ANKRD46: variants seen among roughly 807,000 people sequenced by gnomAD.
ANKRD46 encodes the protein ankyrin repeat domain 46.
Under a neutral mutation model 19.8 loss-of-function variants are expected in ANKRD46, and 13 were observed. The ratio of observed to expected loss-of-function variants is 0.66; its 90% CI spans 0.43 to 1.04. ANKRD46 has a LOEUF of 1.04. Among genes scored for constraint, ANKRD46 ranks in the 50% least tolerant of loss-of-function variants. ANKRD46 has a pLI of 0.00. For missense variants in ANKRD46, 185 were observed against 274.8 expected (o/e 0.67, Z 2.31); for synonymous variants, 91 against 106.9 (o/e 0.85, Z 0.92).
chr8:100,546,066 G>A lies in ANKRD46; in HGVS notation c.-130-12755C>T, dbSNP rs561132162. Among the ~76,000 whole-genome samples the A allele has an allele frequency of 5.3e-5, 8 of 152,350 alleles. No homozygotes were observed. The highest frequency in any genetic ancestry group is 1.4e-4 in the African/African-American group (6 of 41,578). ...GCAATTGGAACTTCTGTTTAAAAGCGAAGCAGAGCATAAAAGTTTGGAAAT... is the reference window on the plus strand; with the variant it reads ...GCAATTGGAACTTCTGTTTAAAAGCAAAGCAGAGCATAAAAGTTTGGAAAT... On this transcript the variant is annotated intron_variant, in intron 1 of 4. Transcript: ENST00000335659. The surrounding 1 kb of genome is among the most constrained non-coding windows in gnomAD (Gnocchi z 4.0).
chr8:100,557,258 T>A lies in ANKRD46; in HGVS notation c.-131+2453A>T, dbSNP rs1350176517. ...CTACCTTCACACTCAGTCTTCTCCATCTCAGTACACTGTTTAACTAAAGCC... is the reference window on the plus strand; with the variant it reads ...CTACCTTCACACTCAGTCTTCTCCAACTCAGTACACTGTTTAACTAAAGCC... On this transcript the variant is annotated intron_variant, in intron 1 of 4. Transcript: ENST00000335659. The surrounding 1 kb of genome is among the most constrained non-coding windows in gnomAD (Gnocchi z 5.9). 6.6e-6 allele frequency among the ~76,000 whole-genome samples: 1 copy of A among 152,224 alleles called. No homozygotes were observed. Among genetic ancestry groups the A allele is most frequent in the African/African-American group, 2.4e-5 (1 of 41,460 alleles).
Position 100,532,566 on chromosome 8 carries a change from G to T in ANKRD46, c.-28+643C>A, listed in dbSNP as rs531789247. 1.3e-5 allele frequency: 2 copies of T among 152,154 alleles called. No homozygotes were observed. The highest frequency in any genetic ancestry group is 2.9e-5 in the Non-Finnish European group (2 of 68,030). The allele number at this position is 152,154 out of a possible 1,614,324, so 9.4% of individuals were successfully genotyped here. On this transcript the variant is annotated intron_variant, in intron 2 of 4. Transcript: ENST00000335659. This position sits in a 1 kb window ranked among gnomAD's most constrained non-coding sequence, Gnocchi z 4.7. ...AATAGTCAAGAATTCTTTTGCGAGGGTAATCTAAATATTTTCCCTTACAGC... is the reference window on the plus strand; with the variant it reads ...AATAGTCAAGAATTCTTTTGCGAGGTTAATCTAAATATTTTCCCTTACAGC...
At chr8:100,541,844 T>C (rs78217154) in intron 1 of ANKRD46, among the ~76,000 whole-genome samples, 1,950 of 152,300 alleles carry the variant, frequency 0.013, 22 homozygotes, top group South Asian at 0.021. Context: ...CTTTTCTATG[T>C]TTAGATACAC....
At chr8:100,551,568 T>C (rs1812391047) in intron 1 of ANKRD46, 2 of 753,776 alleles carry the variant, frequency 2.7e-6, no homozygotes, top group Non-Finnish European at 4.6e-6. Context: ...TGGGTAGAAA[T>C]ACTGGAACAT....
At chr8:100,551,181 A>AG (rs1404925653) in intron 1 of ANKRD46, 6 of 440,792 alleles carry the variant, frequency 1.4e-5, no homozygotes, top group Non-Finnish European at 2.1e-5. Context: ...GAGTGGCAGC[A>AG]TGGATTGTGG....
chr8:100,537,559 C>G lies in ANKRD46; in HGVS notation c.-130-4248G>C, dbSNP rs1812088745. On this transcript the variant is annotated intron_variant, in intron 1 of 4. Transcript: ENST00000335659. This position sits in a 1 kb window ranked among gnomAD's most constrained non-coding sequence, Gnocchi z 4.2. Reference sequence around the variant, plus strand: ...GGATACAGCTGTTTCAAAATATAATCTCAGAGAACTATAAAACAAAAATTT... The same window carrying G: ...GGATACAGCTGTTTCAAAATATAATGTCAGAGAACTATAAAACAAAAATTT... Among the ~76,000 whole-genome samples the G allele has an allele frequency of 6.6e-6, 1 of 152,160 alleles. No homozygotes were observed. The highest frequency in any genetic ancestry group is 1.5e-5 in the Non-Finnish European group (1 of 68,034).
rs1284492940 is a variant in ANKRD46 at position 100,537,417 on chromosome 8, C to G, written c.-130-4106G>C. Among the ~76,000 whole-genome samples the G allele has an allele frequency of 6.6e-6, 1 of 152,096 alleles. No homozygotes were observed. The highest frequency in any genetic ancestry group is 1.5e-5 in the Non-Finnish European group (1 of 68,004). On this transcript the variant is annotated intron_variant, in intron 1 of 4. Transcript: ENST00000335659. This position sits in a 1 kb window ranked among gnomAD's most constrained non-coding sequence, Gnocchi z 4.2. ...AAAGATATTCTGTCAGATCTTATTG[C>G]CTTTGCCATTTTCTAATGTCAAAGA...
chr8:100,520,075 T>C (rs1189977638), downstream of ANKRD46, among the ~76,000 whole-genome samples: 2 of 151,896 alleles, frequency 1.3e-5, no homozygotes, highest in African/African-American at 2.4e-5. Context: ...GAATGCAAAA[T>C]ACAAGTAATA....
chr8:100,514,617 CTTTT>C lies in ANKRD46; in HGVS notation c.637-3982_637-3979del, dbSNP rs35216029. Among the ~76,000 whole-genome samples the C allele has an allele frequency of 1.6e-3, 121 of 74,062 alleles. 1 individual carries two copies. The highest frequency in any genetic ancestry group is 5.2e-3 in the African/African-American group (92 of 17,842). The allele number at this position is 74,062 out of a possible 152,430, so 48.6% of individuals were successfully genotyped here. A position where few individuals can be genotyped will look rare whatever the true frequency, so the allele number is the denominator to read the frequency against. On this transcript the variant is annotated intron_variant, in intron 5 of 5. Coordinates refer to the ANKRD46 transcript ENST00000520552. ...TGAGTGTGGGTTATTCCTCCATCTT[CTTTT>C]TTTTTTTTTTTTTTTTTTGAGATAG...
At position 100,510,522 on chromosome 8, in the gene ANKRD46, T is replaced by C. The variant is rs1285944158; in HGVS notation, c.*55A>G. Reference sequence around the variant, plus strand: ...CACCCAACAGGGACGCTGACGTCTGTATCCCTTCTTTCTTGCCTTCTGAGG... The same window carrying C: ...CACCCAACAGGGACGCTGACGTCTGCATCCCTTCTTTCTTGCCTTCTGAGG... On this transcript the variant is annotated 3_prime_UTR_variant, in exon 6 of 6. Coordinates refer to the ANKRD46 transcript ENST00000520552. This position sits in a 1 kb window ranked among gnomAD's most constrained non-coding sequence, Gnocchi z 4.9. 5.4e-6 allele frequency: 8 copies of C among 1,492,200 alleles called. No individual in the cohort carries two copies. The highest frequency in any genetic ancestry group is 7.2e-6 in the Non-Finnish European group (8 of 1,111,868). 92.4% of individuals were successfully genotyped at this position (1,492,200 alleles called of 1,614,324 possible).
chr8:100,531,938 C>T (rs1006281861), intron 2 of ANKRD46, among the ~76,000 whole-genome samples: 1 of 152,126 alleles, frequency 6.6e-6, no homozygotes, highest in Non-Finnish European at 1.5e-5. Context: ...TAGGTCATTG[C>T]AGCTATCTAG....
rs1202227491 is a variant in ANKRD46 at position 100,550,357 on chromosome 8, A to G, written c.-131+9354T>C. Among the ~76,000 whole-genome samples the G allele has an allele frequency of 6.6e-6, 1 of 152,196 alleles. No individual in the cohort carries two copies. Among genetic ancestry groups the G allele is most frequent in the African/African-American group, 2.4e-5 (1 of 41,454 alleles). ...TCAGCGTTCTAGATTTTAGTTAGCC[A>G]TTTTAGTAAGTGTGTAGTGGGATCT... On this transcript the variant is annotated intron_variant, in intron 1 of 4. Transcript: ENST00000335659. The surrounding 1 kb of genome is among the most constrained non-coding windows in gnomAD (Gnocchi z 4.4).
At chr8:100,555,312 C>T (rs370023746) in intron 1 of ANKRD46, among the ~76,000 whole-genome samples, 6 of 147,648 alleles carry the variant, frequency 4.1e-5, no homozygotes, top group African/African-American at 1.5e-4. Flanking sequence ...AAAAATTCTA[C>T]ACCAGAAGCA....
Position 100,538,742 on chromosome 8 carries a change from T to G in ANKRD46, c.-130-5431A>C, listed in dbSNP as rs548329459. ...GGATGTGAAACCTAGGTAAACATAA[T>G]GAAGCCTGCTTGGAGAGGTGGGAAA... On this transcript the variant is annotated intron_variant, in intron 1 of 4. Coordinates refer to ENST00000335659, the MANE Select transcript of ANKRD46 (RefSeq NM_001270377.2). Among the ~76,000 whole-genome samples, 4 of 152,294 alleles carry G rather than the reference T, an allele frequency of 2.6e-5. No homozygotes were observed. The East Asian group carries it at 7.7e-4, about 29-fold the overall frequency.
At chr8:100,516,087 G>A (rs1811626604), downstream of ANKRD46, among the ~76,000 whole-genome samples, 1 of 152,106 alleles carries the variant, frequency 6.6e-6, no homozygotes, top group African/African-American at 2.4e-5. Flanking sequence ...GGTCAGGCTG[G>A]TCTCGAACTC....
intron 1 of ANKRD46, among the ~76,000 whole-genome samples, chr8:100,540,553 C>T (rs563676284): frequency 3.3e-5 from 5 of 152,198 alleles, no homozygotes; most frequent in Admixed American, 6.5e-5. Context: ...GTACTTCCTA[C>T]TGATTGGGAT....
chr8:100,537,466 A>G lies in ANKRD46; in HGVS notation c.-130-4155T>C. The stretch of plus-strand genomic sequence containing the variant: ...GAAAAGTACTAAAACTGTAAAAATG[A>G]ATGATACACAGTAAATGAAACCCCC... On this transcript the variant is annotated intron_variant, in intron 1 of 4. Coordinates refer to ENST00000335659, the MANE Select transcript of ANKRD46 (RefSeq NM_001270377.2). This position sits in a 1 kb window ranked among gnomAD's most constrained non-coding sequence, Gnocchi z 4.2. 6.6e-6 allele frequency among the ~76,000 whole-genome samples: 1 copy of G among 152,242 alleles called. No homozygotes were observed.
In ANKRD46 at chr8:100,544,676, A is replaced by G. The variant is rs1429652224; in HGVS notation, c.-130-11365T>C. ...CTATCTTGAGTAGTCCAACTCTAAG[A>G]GTCCCAGTTTCCTCATTTGCAAAAC... On this transcript the variant is annotated intron_variant, in intron 1 of 4. Coordinates refer to ENST00000335659, the MANE Select transcript of ANKRD46 (RefSeq NM_001270377.2). This position sits in a 1 kb window ranked among gnomAD's most constrained non-coding sequence, Gnocchi z 4.4. 6.6e-6 allele frequency among the ~76,000 whole-genome samples: 1 copy of G among 152,224 alleles called. No homozygotes were observed. Among genetic ancestry groups the G allele is most frequent in the Admixed American group, 6.5e-5 (1 of 15,282 alleles).
intron 1 of ANKRD46, among the ~76,000 whole-genome samples, chr8:100,539,479 C>T (rs1189386754): frequency 1.3e-5 from 2 of 152,154 alleles, no homozygotes; most frequent in Non-Finnish European, 2.9e-5. Flanking sequence ...TTCCAAGGCT[C>T]AATAATAACA....
Sources: gnomAD v4.1 joint callset for allele counts (sites outside exome capture counted in the v4.1 genomes callset) on GRCh38, gnomAD v4.1.1 for gene constraint, Gnocchi (gnomAD v3.1) non-coding constraint, MANE v1.5 for transcripts, NCBI Gene and HGNC (gene_info 2026-07-23, HGNC 2026-07-21) for gene names.